Variants in CAST observed in about 807,000 individuals in gnomAD.
CAST encodes MIR583 host.
Under a neutral mutation model 119.6 loss-of-function variants are expected in CAST, and 76 were observed. That is an observed-to-expected ratio of 0.64 (90% CI 0.53 to 0.77). The LOEUF (loss-of-function observed/expected upper bound fraction) is 0.77, where lower values mean the gene tolerates loss of function less well. CAST is among the 30% of genes least tolerant of loss of function. The pLI is 0.00. For synonymous variants in CAST, 319 were observed against 331.6 expected (o/e 0.96, Z 0.41); for missense variants, 953 against 946.5 (o/e 1.01, Z -0.09).
chr5:96,185,377 C>G, the CAST span, among the ~76,000 whole-genome samples: 1 of 152,070 alleles, frequency 6.6e-6, no homozygotes, highest in African/African-American at 2.4e-5. Flanking sequence ...TCAATTTTTG[C>G]TTTTGTTGCA....
rs577741006 is a variant in CAST at position 96,696,606 on chromosome 5, G to GCAGGAGGATCAC, written c.210+712_210+723dup. Among the ~76,000 whole-genome samples the GCAGGAGGATCAC allele has an allele frequency of 4.0e-3, 607 of 150,484 alleles. 6 individuals are homozygous for GCAGGAGGATCAC. The highest frequency in any genetic ancestry group is 9.0e-3 in the South Asian group (43 of 4,782). ...AATCGCAGCACTTTGGGAGGCTGAG[G>GCAGGAGGATCAC]CAGGAGGATCACCAGGAGGATCACT... On this transcript the variant is annotated intron_variant, in intron 3 of 31. Coordinates refer to ENST00000675179, the MANE Select transcript of CAST (RefSeq NM_001750.7).
the CAST span, among the ~76,000 whole-genome samples, chr5:96,167,186 T>C: frequency 4.6e-5 from 7 of 152,192 alleles, no homozygotes; most frequent in Non-Finnish European, 8.8e-5. Context: ...AGCTTCAGCA[T>C]AGCCCTGCCA....
chr5:96,138,315 A>G, the CAST span, among the ~76,000 whole-genome samples: 1 of 151,888 alleles, frequency 6.6e-6, no homozygotes, highest in African/African-American at 2.4e-5. Flanking sequence ...ATGTAGGTCT[A>G]TTTCTGTACT....
chr5:96,741,333 C>G lies in CAST; in HGVS notation c.986C>G (p.Ala329Gly), dbSNP rs200169373. The change falls in exon 14 of 32, where the codon GCT becomes GGT. Residue 329 changes from alanine (A) to glycine (G), a missense_variant. Transcript: ENST00000675179. ...GACTTCACCTGTGGGTCGCCTACAGCTGCTGGAAAGAAAACTGAAAAAGAG... is the reference window on the plus strand; with the variant it reads ...GACTTCACCTGTGGGTCGCCTACAGGTGCTGGAAAGAAAACTGAAAAAGAG... ...SSDFTCGSPT[A>G]AGKKTEKEES... 2.5e-4 allele frequency: 405 copies of G among 1,611,366 alleles called. No homozygotes were observed. The highest frequency in any genetic ancestry group is 3.3e-4 in the Non-Finnish European group (394 of 1,177,586).
chr5:96,433,777 T>C, the CAST span, among the ~76,000 whole-genome samples: 1 of 152,200 alleles, frequency 6.6e-6, no homozygotes, highest in Non-Finnish European at 1.5e-5. Flanking sequence ...AGCATGTCTA[T>C]GTTAAAGCAA....
At chr5:96,607,000 A>G (rs1747269024) in intron 1 of CAST, among the ~76,000 whole-genome samples, 1 of 152,212 alleles carries the variant, frequency 6.6e-6, no homozygotes, top group Non-Finnish European at 1.5e-5. Context: ...TTTAAGAACC[A>G]CTATATTGGC....
chr5:96,525,738 A>T (rs1162700137), upstream of CAST, among the ~76,000 whole-genome samples: 1 of 152,220 alleles, frequency 6.6e-6, no homozygotes, highest in Non-Finnish European at 1.5e-5. Context: ...GCATCATAGG[A>T]AACCAAACAA....
the CAST span, among the ~76,000 whole-genome samples, chr5:95,978,268 G>C: frequency 1.3e-5 from 2 of 152,200 alleles, no homozygotes. Context: ...TTTACCAACA[G>C]TGTATATGTG....
upstream of CAST, among the ~76,000 whole-genome samples, chr5:96,657,646 T>C (rs1748183181): frequency 6.6e-6 from 1 of 152,160 alleles, no homozygotes; most frequent in African/African-American, 2.4e-5. Context: ...AAGCAAGCAG[T>C]TGGCTGTACA....
At chr5:96,685,395 A>G (rs1751965727) in intron 2 of CAST, among the ~76,000 whole-genome samples, 1 of 152,180 alleles carries the variant, frequency 6.6e-6, no homozygotes, top group Admixed American at 6.5e-5. Context: ...TTCAAAAGGG[A>G]CAATAACCTG....
chr5:96,030,882 A>G, the CAST span, among the ~76,000 whole-genome samples: 9 of 152,294 alleles, frequency 5.9e-5, no homozygotes, highest in Non-Finnish European at 1.2e-4. Context: ...TTGTCTCTAT[A>G]AATAAGCAAA....
the CAST span, among the ~76,000 whole-genome samples, chr5:96,003,803 A>G: frequency 6.6e-6 from 1 of 152,214 alleles, no homozygotes; most frequent in Middle Eastern, 3.2e-3. Flanking sequence ...AGCTTTAGGT[A>G]AACCACATTT....
the CAST span, among the ~76,000 whole-genome samples, chr5:96,285,440 C>T: frequency 6.6e-6 from 1 of 152,186 alleles, no homozygotes; most frequent in Non-Finnish European, 1.5e-5. Context: ...AGGTTTTTGG[C>T]ACTGGAGAAT....
At chr5:96,312,200 C>T in the CAST span, among the ~76,000 whole-genome samples, 1 of 152,212 alleles carries the variant, frequency 6.6e-6, no homozygotes, top group East Asian at 1.9e-4. Flanking sequence ...CACTTTTACT[C>T]TCCCATTGCT....
chr5:96,127,484 C>A, the CAST span, among the ~76,000 whole-genome samples: 1 of 152,036 alleles, frequency 6.6e-6, no homozygotes, highest in African/African-American at 2.4e-5. Context: ...CCCAGCCACA[C>A]CTCCTAGTTG....
intron 1 of CAST, among the ~76,000 whole-genome samples, chr5:96,672,932 A>G (rs1750290653): frequency 6.6e-6 from 1 of 152,164 alleles, no homozygotes; most frequent in Non-Finnish European, 1.5e-5. Flanking sequence ...AAGGGAGAAA[A>G]GGCTGTACAT....
chr5:96,082,058 C>T, the CAST span, among the ~76,000 whole-genome samples: 11 of 152,194 alleles, frequency 7.2e-5, no homozygotes, highest in South Asian at 1.0e-3. Flanking sequence ...GAACTACAGG[C>T]GCACGCTACC....
the CAST span, among the ~76,000 whole-genome samples, chr5:96,193,390 C>T: frequency 2.0e-5 from 3 of 152,138 alleles, no homozygotes; most frequent in Non-Finnish European, 4.4e-5. Flanking sequence ...TAGGTGATTT[C>T]ATAGCTGGAT....
the CAST span, among the ~76,000 whole-genome samples, chr5:96,270,171 G>A: frequency 4.6e-5 from 7 of 152,098 alleles, no homozygotes; most frequent in African/African-American, 7.2e-5. Context: ...GCCAAAAAAA[G>A]CATTTGATAA....
Sources: gnomAD v4.1 joint callset for allele counts (sites outside exome capture counted in the v4.1 genomes callset) on GRCh38, gnomAD v4.1.1 for gene constraint, MANE v1.5 for transcripts, NCBI Gene and HGNC (gene_info 2026-07-23, HGNC 2026-07-21) for gene names.